CC2D2A: variants seen among roughly 807,000 people sequenced by gnomAD.
The protein encoded by CC2D2A is coiled-coil and C2 domain-containing protein 2A.
In CC2D2A, 155 loss-of-function variants were observed where a neutral mutation model predicts 212.9. That is an observed-to-expected ratio of 0.73 (90% CI 0.64 to 0.83). The LOEUF (loss-of-function observed/expected upper bound fraction) is 0.83, where lower values mean the gene tolerates loss of function less well. Ranked by LOEUF, CC2D2A falls within the 40% of genes least tolerant of loss-of-function variation. The pLI is 0.00. For missense variants in CC2D2A, 1,856 were observed against 1,956.2 expected (o/e 0.95, Z 0.97); for synonymous variants, 667 against 686.5 (o/e 0.97, Z 0.44).
chr4:15,597,335 A>G, intron 34 of CC2D2A, 72 bp from the exon 35 acceptor site: 1 of 1,094,656 alleles, frequency 9.1e-7, no homozygotes, highest in Non-Finnish European at 1.4e-6. Flanking sequence ...TTGATTTTTA[A>G]GATTTTTAAA....
In CC2D2A at chr4:15,511,257, G is replaced by A. The variant is rs369902469; in HGVS notation, c.551G>A (p.Gly184Asp). The change falls in exon 8 of 37, where the codon GGC becomes GAC. Residue 184 changes from glycine to aspartate, a missense_variant. Around this residue, in one of 5 missense-constraint regions of CC2D2A, gnomAD observed 1,512 missense variants for 1,579.3 expected, o/e 0.96. Coordinates refer to ENST00000424120, the MANE Select transcript of CC2D2A (RefSeq NM_001378615.1). ...KIKPKPQVPP[G>D]FPSAEEAYNF... ...CTTGCTTTTCGTTAGGTTCCACCTG[G>A]CTTCCCTTCTGCAGAAGAGGCCTAT... is the stretch of plus-strand genomic sequence containing the variant. 36 of 1,599,396 alleles carry A rather than the reference G, an allele frequency of 2.3e-5. No homozygotes were observed. The highest frequency in any genetic ancestry group is 6.8e-5 in the South Asian group (6 of 87,668).
intron 17 of CC2D2A, 129 bp downstream of exon 17, chr4:15,541,143 C>T: frequency 1.5e-6 from 1 of 663,690 alleles, no homozygotes; most frequent in Non-Finnish European, 2.4e-6. Flanking sequence ...AAAACCACAT[C>T]TCTACTGTAA....
chr4:15,512,611 A>G (rs1013541443), intron 8 of CC2D2A, among the ~76,000 whole-genome samples: 1 of 152,186 alleles, frequency 6.6e-6, no homozygotes, highest in Non-Finnish European at 1.5e-5. Flanking sequence ...GGATGGTGGT[A>G]AGGGTAGAAT....
intron 15 of CC2D2A, 144 bp from the exon 16 acceptor site, chr4:15,537,755 G>A (rs780685092): frequency 1.0e-5 from 8 of 778,700 alleles, no homozygotes; most frequent in Non-Finnish European, 1.4e-5. Context: ...GAGAGGTCAG[G>A]TGGCTTAGTG....
Position 15,557,292 on chromosome 4 carries a change from C to T in CC2D2A, c.2626-12C>T, listed in dbSNP as rs571780110. On this transcript the variant is annotated splice_polypyrimidine_tract_variant and intron_variant, in intron 20 of 36. Coordinates refer to ENST00000424120, the MANE Select transcript of CC2D2A (RefSeq NM_001378615.1). ...CTGTCATCTGGAGTTTTGCATTTTC[C>T]GTTTTTTATAGGTTGCTACCAGTGG... 54 of 1,589,332 alleles carry T rather than the reference C, an allele frequency of 3.4e-5. No individual in the cohort carries two copies. The highest frequency in any genetic ancestry group is 1.0e-4 in the Admixed American group (6 of 57,156).
intron 36 of CC2D2A, among the ~76,000 whole-genome samples, chr4:15,600,093 T>C (rs1721518528): frequency 6.6e-6 from 1 of 152,204 alleles, no homozygotes; most frequent in Admixed American, 6.5e-5. Context: ...ATAGACGATA[T>C]ACCCTCTTTA....
chr4:15,522,136 G>C (rs1204873001), intron 11 of CC2D2A, among the ~76,000 whole-genome samples: 1 of 152,308 alleles, frequency 6.6e-6, no homozygotes, highest in Non-Finnish European at 1.5e-5. Flanking sequence ...AGGAGCTCAA[G>C]GTTGTAGTGA....
At chr4:15,473,454 C>T (rs1713968823) in intron 1 of CC2D2A, among the ~76,000 whole-genome samples, 1 of 152,112 alleles carries the variant, frequency 6.6e-6, no homozygotes, top group African/African-American at 2.4e-5. Flanking sequence ...AAAAGGAGAA[C>T]TAGGTAGCAG....
chr4:15,502,800 A>C (rs1247951767), intron 5 of CC2D2A, 22 bp from the exon 6 acceptor site: 1 of 1,583,034 alleles, frequency 6.3e-7, no homozygotes, highest in Non-Finnish European at 8.6e-7. Context: ...ATGTAGCAGT[A>C]AATTTCTGTT....
intron 23 of CC2D2A, among the ~76,000 whole-genome samples, chr4:15,561,878 G>C (rs1213457889): frequency 2.0e-5 from 3 of 152,182 alleles, no homozygotes; most frequent in African/African-American, 7.2e-5. Flanking sequence ...TAGTCACAGT[G>C]ACCTGAGTTT....
chr4:15,547,356 G>A (rs533647368), intron 17 of CC2D2A, among the ~76,000 whole-genome samples: 1 of 152,206 alleles, frequency 6.6e-6, no homozygotes, highest in Non-Finnish European at 1.5e-5. Flanking sequence ...TATACAGTAA[G>A]TTATTGTTAA....
At chr4:15,479,283 C>A (rs1306143973) in intron 3 of CC2D2A, 1 of 1,537,200 alleles carries the variant, frequency 6.5e-7, no homozygotes, top group Non-Finnish European at 8.7e-7. Context: ...CGCAGGAGTT[C>A]CCCTCCTAGG....
chr4:15,524,600 G>C (rs536206542), intron 11 of CC2D2A, among the ~76,000 whole-genome samples: 5 of 151,658 alleles, frequency 3.3e-5, no homozygotes, highest in Non-Finnish European at 5.9e-5. Flanking sequence ...ACAGGTGCCC[G>C]CCACCACGCT....
intron 4 of CC2D2A, among the ~76,000 whole-genome samples, chr4:15,484,874 G>C (rs545170629): frequency 6.0e-4 from 91 of 152,256 alleles, no homozygotes; most frequent in African/African-American, 2.1e-3. Flanking sequence ...GAGGTGGAGA[G>C]TGGACAGGGA....
rs1217917864 is a variant in CC2D2A at position 15,537,165 on chromosome 4, T to C, written c.1764+89T>C. ...CAGTACAGGAGTGGGGAAACCAGAC[T>C]GGCAGACTAGGGTATCCTGTGGCTC... On this transcript the variant is annotated intron_variant, in intron 15 of 36. Transcript: ENST00000424120. 4 of 1,178,296 alleles carry C rather than the reference T, an allele frequency of 3.4e-6. No homozygotes were observed. In the African/African-American group the frequency reaches 4.6e-5, roughly 14 times the overall value. 73.0% of individuals were successfully genotyped at this position (1,178,296 alleles called of 1,614,324 possible).
intron 4 of CC2D2A, among the ~76,000 whole-genome samples, chr4:15,500,917 T>G (rs1715910757): frequency 6.6e-6 from 1 of 152,156 alleles, no homozygotes; most frequent in South Asian, 2.1e-4. Flanking sequence ...AAGCCTTTAC[T>G]GTTCAGTCTG....
chr4:15,516,463 C>T (rs1716878737), intron 10 of CC2D2A, among the ~76,000 whole-genome samples, 162 bp from the exon 11 acceptor site: 1 of 152,046 alleles, frequency 6.6e-6, no homozygotes, highest in Admixed American at 6.6e-5. Context: ...TTAGTGAAGA[C>T]TTGATTTCTA....
intron 21 of CC2D2A, among the ~76,000 whole-genome samples, 197 bp downstream of exon 21, chr4:15,557,704 A>G (rs565234094): frequency 8.5e-4 from 130 of 152,302 alleles, no homozygotes; most frequent in Non-Finnish European, 1.1e-3. Flanking sequence ...CCTCAATATA[A>G]TGATATATAA....
intron 15 of CC2D2A, among the ~76,000 whole-genome samples, chr4:15,537,317 A>G (rs370144081): frequency 7.8e-4 from 119 of 152,358 alleles, no homozygotes; most frequent in African/African-American, 2.7e-3. Flanking sequence ...AGAGAATGCT[A>G]TGGTAGCACT....
Sources: gnomAD v4.1 joint callset for allele counts (sites outside exome capture counted in the v4.1 genomes callset) on GRCh38, gnomAD v4.1.1 for gene constraint, gnomAD v4.1.1 regional missense constraint, MANE v1.5 for transcripts, NCBI Gene and HGNC (gene_info 2026-07-23, HGNC 2026-07-21) for gene names.